NPRL3: variants seen among roughly 807,000 people sequenced by gnomAD.
NPRL3 encodes NPR3 like, GATOR1 complex subunit.
In NPRL3, 23 loss-of-function variants were observed where a neutral mutation model predicts 57.2. The observed-to-expected ratio is 0.40, with a 90% CI of 0.29 to 0.57. The LOEUF (loss-of-function observed/expected upper bound fraction) is 0.57, where lower values mean the gene tolerates loss of function less well. NPRL3 is among the 20% of genes least tolerant of loss of function. The probability of loss-of-function intolerance (pLI) is 0.42; values close to 1 mark genes in which losing one functional copy is unlikely to be tolerated. For synonymous variants in NPRL3, 333 were observed against 321.1 expected, an observed-to-expected ratio of 1.04 and a Z score of -0.39; for missense variants, 691 against 767.1, an observed-to-expected ratio of 0.90 and a Z score of 1.17.
At chr16:122,141 G>A (rs1028790765) in intron 3 of NPRL3, among the ~76,000 whole-genome samples, 3 of 151,744 alleles carry the variant, frequency 2.0e-5, no homozygotes, top group Non-Finnish European at 2.9e-5. Context: ...CTGTCGCCCA[G>A]GCTGGAGTGT....
At chr16:92,539 T>C in intron 11 of NPRL3, 57 bp downstream of exon 11, 2 of 1,582,026 alleles carry the variant, frequency 1.3e-6, no homozygotes, top group Non-Finnish European at 1.7e-6. Context: ...GCCAGGCAGG[T>C]AGTGCCTATC....
chr16:110,697 G>A (rs375979795), intron 6 of NPRL3, 91 bp from the exon 7 acceptor site: 55 of 1,024,188 alleles, frequency 5.4e-5, no homozygotes, highest in African/African-American at 9.7e-5. Flanking sequence ...ACAGGCGCCC[G>A]CCACCATGTC....
intron 3 of NPRL3, among the ~76,000 whole-genome samples, chr16:127,700 G>C (rs1460321224): frequency 6.6e-6 from 1 of 150,918 alleles, no homozygotes; most frequent in African/African-American, 2.4e-5. Context: ...TGTTGCCCAG[G>C]CTGGAGTGCA....
chr16:100,631 C>T (rs1360820431), intron 7 of NPRL3, 122 bp from the exon 8 acceptor site: 8 of 987,444 alleles, frequency 8.1e-6, no homozygotes, highest in Non-Finnish European at 1.1e-5. Context: ...CAGGTGGAGA[C>T]CCGGGCAGGA....
At chr16:110,658 C>G in intron 6 of NPRL3, 52 bp from the exon 7 acceptor site, 2 of 1,440,372 alleles carry the variant, frequency 1.4e-6, no homozygotes, top group Non-Finnish European at 1.9e-6. Flanking sequence ...AGCGATTCTC[C>G]TGCCTCAGCC....
At chr16:131,684 GTT>G (rs1343069178) in intron 2 of NPRL3, among the ~76,000 whole-genome samples, 1 of 149,736 alleles carries the variant, frequency 6.7e-6, no homozygotes, top group Admixed American at 6.7e-5. Flanking sequence ...TTGCCTCAAT[GTT>G]GATGGCTGTT....
chr16:121,776 G>A (rs111405770), intron 3 of NPRL3, among the ~76,000 whole-genome samples: 23 of 151,822 alleles, frequency 1.5e-4, no homozygotes, highest in East Asian at 3.9e-4. Context: ...ATGACAAAAC[G>A]CTTTTTTTTC....
chr16:100,841 G>C (rs2858055), intron 7 of NPRL3, among the ~76,000 whole-genome samples: 5 of 147,976 alleles, frequency 3.4e-5, no homozygotes, highest in African/African-American at 1.0e-4. Context: ...TGTGGTGGCG[G>C]GCGCCTGTAG....
intron 7 of NPRL3, among the ~76,000 whole-genome samples, chr16:105,706 C>T (rs182996713): frequency 1.9e-4 from 29 of 152,328 alleles, no homozygotes; most frequent in African/African-American, 6.3e-4. Flanking sequence ...TATTCCCACC[C>T]ACACATTCCG....
intron 9 of NPRL3, among the ~76,000 whole-genome samples, chr16:96,661 A>AAG (rs1555440749): frequency 6.6e-6 from 1 of 151,278 alleles, no homozygotes; most frequent in African/African-American, 2.4e-5. Context: ...AAAAAAAAAA[A>AAG]AAAAAAAAAT....
intron 13 of NPRL3, among the ~76,000 whole-genome samples, chr16:88,313 G>A (rs985408297): frequency 6.6e-6 from 1 of 151,740 alleles, no homozygotes; most frequent in Non-Finnish European, 1.5e-5. Context: ...CCCGGGAAGC[G>A]GAGCTTGCAG....
At chr16:119,955 G>C (rs216097) in intron 3 of NPRL3, among the ~76,000 whole-genome samples, 1 of 152,142 alleles carries the variant, frequency 6.6e-6, no homozygotes, top group Non-Finnish European at 1.5e-5. Flanking sequence ...TGGTGTGGGA[G>C]GGAGGGCATC....
rs762115204 is a variant in NPRL3 at position 88,810 on chromosome 16, G to A, written c.1432C>T (p.Leu478=). Reference sequence around the variant, plus strand: ...AGGTTCTCCGTCATCCTCTGGTTCAGTGGCGAGTCCCCGCTGGGAAGTAGC... The same window carrying A: ...AGGTTCTCCGTCATCCTCTGGTTCAATGGCGAGTCCCCGCTGGGAAGTAGC... ...AELLPSGDSP[L]NQRMTENLLA... Residue 478 remains leucine (L), a synonymous_variant, in exon 13 of 14, where the codon CTG becomes TTG. Coordinates refer to ENST00000611875, the MANE Select transcript of NPRL3 (RefSeq NM_001077350.3). 5 of 1,613,844 alleles carry A rather than the reference G, an allele frequency of 3.1e-6. No individual in the cohort carries two copies. Among genetic ancestry groups the A allele is most frequent in the Non-Finnish European group, 4.2e-6 (5 of 1,179,856 alleles).
intron 7 of NPRL3, among the ~76,000 whole-genome samples, chr16:101,778 G>A (rs182616369): frequency 3.9e-5 from 6 of 152,316 alleles, no homozygotes; most frequent in Admixed American, 1.3e-4. Context: ...TGTGCTCAGG[G>A]CCCTGGCATT....
At chr16:120,273 CT>C (rs1445660630) in intron 3 of NPRL3, among the ~76,000 whole-genome samples, 1 of 152,202 alleles carries the variant, frequency 6.6e-6, no homozygotes, top group African/African-American at 2.4e-5. Context: ...CAGGGCCATA[CT>C]CTGCCCCTGG....
chr16:105,308 C>T (rs1013364029), intron 7 of NPRL3, among the ~76,000 whole-genome samples: 2 of 152,168 alleles, frequency 1.3e-5, no homozygotes, highest in African/African-American at 2.4e-5. Flanking sequence ...GCATCCATTC[C>T]TAACCTTAGA....
intron 9 of NPRL3, among the ~76,000 whole-genome samples, chr16:97,656 T>C (rs568669704): frequency 6.6e-6 from 1 of 152,244 alleles, no homozygotes; most frequent in South Asian, 2.1e-4. Context: ...ACGTGGCATC[T>C]TGTACAGAGT....
At chr16:100,898 G>A (rs553353718) in intron 7 of NPRL3, among the ~76,000 whole-genome samples, 35 of 140,708 alleles carry the variant, frequency 2.5e-4, no homozygotes, top group Non-Finnish European at 3.3e-4. Flanking sequence ...TTGAACCCAG[G>A]AGGTGGAGGT....
chr16:129,983 G>C (rs1239665250), intron 3 of NPRL3, among the ~76,000 whole-genome samples: 1 of 152,154 alleles, frequency 6.6e-6, no homozygotes, highest in Admixed American at 6.6e-5. Flanking sequence ...CTCCCAGAGA[G>C]AGCAGGGGCA....
Sources: gnomAD v4.1 joint callset for allele counts (sites outside exome capture counted in the v4.1 genomes callset) on GRCh38, gnomAD v4.1.1 for gene constraint, MANE v1.5 for transcripts, NCBI Gene and HGNC (gene_info 2026-07-23, HGNC 2026-07-21) for gene names.